MICU1: variants seen among roughly 807,000 people sequenced by gnomAD.
MICU1 encodes mitochondrial calcium uptake 1.
MICU1 carries 45 observed loss-of-function variants against 56.8 expected under a neutral mutation model. The observed-to-expected ratio is 0.79, with a 90% CI of 0.62 to 1.02. The LOEUF (loss-of-function observed/expected upper bound fraction) is 1.02, where lower values mean the gene tolerates loss of function less well. MICU1 is among the 50% of genes least tolerant of loss of function. MICU1 has a pLI of 0.00. For synonymous variants in MICU1, 186 were observed against 195.1 expected, an observed-to-expected ratio of 0.95 and a Z score of 0.39; for missense variants, 504 against 587.1, an observed-to-expected ratio of 0.86 and a Z score of 1.46.
chr10:72,586,029 T>C (rs1419905015), intron 1 of MICU1, among the ~76,000 whole-genome samples: 1 of 142,036 alleles, frequency 7.0e-6, no homozygotes, highest in African/African-American at 2.6e-5. Context: ...TTTTTTTTTT[T>C]TTTGAGACAG....
chr10:72,586,462 C>A (rs1841062971), intron 1 of MICU1, among the ~76,000 whole-genome samples: 1 of 151,984 alleles, frequency 6.6e-6, no homozygotes, highest in Non-Finnish European at 1.5e-5. Flanking sequence ...ACCACCCTGA[C>A]CAACATGGTG....
In MICU1 at chr10:72,566,691, T is replaced by A; in HGVS notation, c.103A>T (p.Met35Leu). ...QPIQIRRRLMMVAFLGASAVT... is the reference protein window; with the variant it reads ...QPIQIRRRLMLVAFLGASAVT... The stretch of plus-strand genomic sequence containing the variant: ...GCAGATGCTCCCAGGAAAGCCACCA[T>A]CATTAGTCTTCGCCGGATCTGGATG... Residue 35 changes from methionine (M) to leucine (L), a missense_variant, in exon 2 of 12, where the codon ATG (methionine) becomes TTG (leucine). Met to Leu is a conservative substitution (Grantham distance 15). Transcript: ENST00000361114. 1.9e-6 allele frequency: 3 copies of A among 1,612,928 alleles called. No individual in the cohort carries two copies. The highest frequency in any genetic ancestry group is 2.5e-6 in the Non-Finnish European group (3 of 1,179,482).
At chr10:72,417,258 C>T (rs1200420091) in intron 9 of MICU1, among the ~76,000 whole-genome samples, 2 of 152,118 alleles carry the variant, frequency 1.3e-5, no homozygotes, top group Non-Finnish European at 1.5e-5. Context: ...CGAGACCATC[C>T]TGGCTGACAT....
At chr10:72,453,760 A>G (rs1281600791) in intron 8 of MICU1, among the ~76,000 whole-genome samples, 1 of 151,556 alleles carries the variant, frequency 6.6e-6, no homozygotes, top group Non-Finnish European at 1.5e-5. Flanking sequence ...CCAACTCTCA[A>G]CCTCAGGTGA....
At chr10:72,391,172 G>A (rs1025490648) in intron 10 of MICU1, among the ~76,000 whole-genome samples, 8 of 152,202 alleles carry the variant, frequency 5.3e-5, no homozygotes, top group Non-Finnish European at 1.2e-4. Context: ...AGTGGCTCAC[G>A]CCTGTAATCC....
Position 72,492,468 on chromosome 10 carries a change from T to A in MICU1, c.653-15212A>T, listed in dbSNP as rs191552538. 7.9e-5 allele frequency among the ~76,000 whole-genome samples: 12 copies of A among 152,200 alleles called. No individual in the cohort carries two copies. In the East Asian group the frequency reaches 2.3e-3, roughly 29 times the overall value. The stretch of plus-strand genomic sequence containing the variant: ...GAAATACAATTATTAAGATTATTTT[T>A]AAAATGCATATGGGCTGGGCGTGGT... On this transcript the variant is annotated intron_variant, in intron 6 of 11. Coordinates refer to ENST00000361114, the MANE Select transcript of MICU1 (RefSeq NM_001195518.2).
At chr10:72,451,409 A>G (rs118144976) in intron 8 of MICU1, among the ~76,000 whole-genome samples, 3,568 of 152,284 alleles carry the variant, frequency 0.023, 59 homozygotes, top group Non-Finnish European at 0.039. Flanking sequence ...AATGGCCAAT[A>G]TAAGACAATA....
intron 1 of MICU1, among the ~76,000 whole-genome samples, chr10:72,617,013 C>T (rs1374863177): frequency 6.6e-6 from 1 of 152,216 alleles, no homozygotes; most frequent in Non-Finnish European, 1.5e-5. Context: ...TCAGGGATTA[C>T]TCTCCTTTGC....
chr10:72,576,079 T>C (rs1203371191), intron 1 of MICU1, among the ~76,000 whole-genome samples: 1 of 151,742 alleles, frequency 6.6e-6, no homozygotes, highest in East Asian at 1.9e-4. Context: ...CTGGGCATGG[T>C]GGTGGGAGCC....
chr10:72,384,856 T>A (rs556498191), intron 10 of MICU1, among the ~76,000 whole-genome samples: 1 of 152,196 alleles, frequency 6.6e-6, no homozygotes, highest in Non-Finnish European at 1.5e-5. Context: ...TTACCAAATG[T>A]AATGATGAAC....
chr10:72,592,199 G>A (rs960600065), intron 1 of MICU1, among the ~76,000 whole-genome samples: 8 of 151,678 alleles, frequency 5.3e-5, no homozygotes, highest in Admixed American at 4.6e-4. Flanking sequence ...TAGTGCAAAC[G>A]GGGTTTCACA....
intron 6 of MICU1, among the ~76,000 whole-genome samples, chr10:72,491,591 G>GT (rs1866656531): frequency 6.6e-6 from 1 of 152,170 alleles, no homozygotes; most frequent in African/African-American, 2.4e-5. Flanking sequence ...GCTCACACCT[G>GT]TAATTCCAGC....
At chr10:72,403,602 T>C (rs976317629) in intron 10 of MICU1, among the ~76,000 whole-genome samples, 3 of 150,804 alleles carry the variant, frequency 2.0e-5, no homozygotes, top group Non-Finnish European at 4.4e-5. Flanking sequence ...TTGAACAGGA[T>C]GATGTAAAAA....
At chr10:72,536,247 C>A (rs1839631887) in intron 4 of MICU1, among the ~76,000 whole-genome samples, 1 of 149,328 alleles carries the variant, frequency 6.7e-6, no homozygotes, top group Non-Finnish European at 1.5e-5. Context: ...ATGCTAATTA[C>A]CCTTATCTAA....
chr10:72,600,028 A>G (rs1478822883), intron 1 of MICU1, among the ~76,000 whole-genome samples: 3 of 152,240 alleles, frequency 2.0e-5, no homozygotes, highest in African/African-American at 7.2e-5. Flanking sequence ...ATGGTGGCTC[A>G]CGCCTGTAAT....
intron 4 of MICU1, among the ~76,000 whole-genome samples, chr10:72,547,114 C>T (rs539577172): frequency 2.0e-5 from 3 of 152,108 alleles, no homozygotes; most frequent in African/African-American, 4.8e-5. Context: ...AGGATGGTCT[C>T]GATCTCCTGA....
intron 8 of MICU1, among the ~76,000 whole-genome samples, chr10:72,425,966 G>A (rs190520261): frequency 7.2e-5 from 11 of 152,264 alleles, no homozygotes; most frequent in Non-Finnish European, 1.3e-4. Context: ...TGTATGCAGG[G>A]TTAAGCATTG....
chr10:72,411,512 T>A (rs145173085), intron 9 of MICU1, among the ~76,000 whole-genome samples: 72 of 151,962 alleles, frequency 4.7e-4, no homozygotes, highest in African/African-American at 1.5e-3. Flanking sequence ...TATTTTTTTT[T>A]AGTAGAGATG....
chr10:72,569,237 A>ATATATATATATTTTTTTTTTTTTTT, intron 1 of MICU1, among the ~76,000 whole-genome samples: 1 of 34,392 alleles, frequency 2.9e-5, no homozygotes, highest in Non-Finnish European at 5.1e-5. Context: ...ATATATATAT[A>ATATATATATATTTTTTTTTTTTTTT]TTTTTTTTTT....
Sources: gnomAD v4.1 joint callset for allele counts (sites outside exome capture counted in the v4.1 genomes callset) on GRCh38, gnomAD v4.1.1 for gene constraint, MANE v1.5 for transcripts, NCBI Gene and HGNC (gene_info 2026-07-23, HGNC 2026-07-21) for gene names.